The following CD46 variants were observed in gnomAD, a reference collection of about 807,000 sequenced individuals.
CD46 encodes membrane cofactor protein.
CD46 carries 30 observed loss-of-function variants against 53.3 expected under a neutral mutation model. The observed-to-expected ratio is 0.56, with a 90% CI of 0.42 to 0.76. CD46 has a LOEUF of 0.76. Among genes scored for constraint, CD46 ranks in the 30% least tolerant of loss-of-function variants. The pLI is 0.00. For missense variants in CD46, 409 were observed against 463.0 expected, an observed-to-expected ratio of 0.88 and a Z score of 1.07; for synonymous variants, 142 against 152.0, an observed-to-expected ratio of 0.93 and a Z score of 0.48.
At chr1:207,775,366 AC>A (rs1234811830) in intron 8 of CD46, among the ~76,000 whole-genome samples, 1 of 152,034 alleles carries the variant, frequency 6.6e-6, no homozygotes, top group Non-Finnish European at 1.5e-5. Flanking sequence ...ACCTTCTGAA[AC>A]CTACTTCTGT....
intron 8 of CD46, among the ~76,000 whole-genome samples, chr1:207,773,563 T>C (rs1182776450): frequency 6.6e-6 from 1 of 152,234 alleles, no homozygotes; most frequent in African/African-American, 2.4e-5. Flanking sequence ...CACACTGCTT[T>C]AAATGTTTCC....
chr1:207,775,942 G>A (rs181375681), intron 8 of CD46, among the ~76,000 whole-genome samples: 83 of 152,294 alleles, frequency 5.4e-4, no homozygotes, highest in Admixed American at 4.0e-3. Flanking sequence ...AAGCTGCTGC[G>A]TTTTGTTCTA....
chr1:207,786,042 G>C, intron 11 of CD46: 7 of 192,514 alleles, frequency 3.6e-5, no homozygotes, highest in Admixed American at 5.6e-5. Flanking sequence ...TAAATTTAAA[G>C]TATTTCACTG....
chr1:207,774,949 A>C (rs1040211138), intron 8 of CD46, among the ~76,000 whole-genome samples: 3 of 152,218 alleles, frequency 2.0e-5, no homozygotes, highest in Non-Finnish European at 4.4e-5. Context: ...AGTTTAGGGA[A>C]GTCCTCGTGG....
chr1:207,767,801 A>G lies in CD46; in HGVS notation c.879A>G (p.Lys293=), dbSNP rs755629155. The change falls in exon 7 of 13, where the codon AAA becomes AAG. Residue 293 remains lysine (K), a synonymous_variant. Coordinates refer to ENST00000367042, the MANE Select transcript of CD46 (RefSeq NM_172351.3). ...CAGTGTCGACTTCTTCCACTACAAAATCTCCAGCGTCCAGTGCCTCAGGTT... is the reference window on the plus strand; with the variant it reads ...CAGTGTCGACTTCTTCCACTACAAAGTCTCCAGCGTCCAGTGCCTCAGGTT... ...CLKVSTSSTT[K]SPASSASGPR... 3.1e-6 allele frequency: 5 copies of G among 1,612,670 alleles called. No homozygotes were observed. In the South Asian group the frequency reaches 5.5e-5, roughly 18 times the overall value.
chr1:207,764,461 C>T (rs1656616373), intron 5 of CD46, among the ~76,000 whole-genome samples: 1 of 152,228 alleles, frequency 6.6e-6, no homozygotes, highest in Non-Finnish European at 1.5e-5. Flanking sequence ...TTTCCTTCCT[C>T]ACGTCCACCC....
chr1:207,785,724 A>G (rs372450512), intron 11 of CD46, 42 bp downstream of exon 11: 3 of 1,255,104 alleles, frequency 2.4e-6, no homozygotes, highest in Non-Finnish European at 3.5e-6. Flanking sequence ...GGTCCTTCTT[A>G]TACTTAACAT....
intron 2 of CD46, 56 bp downstream of exon 2, chr1:207,757,258 T>C (rs1386029940): frequency 8.4e-6 from 12 of 1,424,188 alleles, no homozygotes; most frequent in East Asian, 2.3e-5. Context: ...TGCATACATT[T>C]TGGGGTACAT....
rs1300221001 is a variant in CD46, at chr1:207,767,032, A to T, written c.693A>T (p.Pro231=). Residue 231 remains proline, a synonymous_variant, in exon 6 of 13, where the codon CCA becomes CCT. Transcript: ENST00000367042. ...PECKVVKCRF[P]VVENGKQISG... is the part of the protein sequence containing the mutation. Reference sequence around the variant, plus strand: ...TTCCAGTGGTCAAATGTCGATTTCCAGTAGTCGAAAATGGAAAACAGATAT... The same window carrying T: ...TTCCAGTGGTCAAATGTCGATTTCCTGTAGTCGAAAATGGAAAACAGATAT... The T allele has an allele frequency of 6.2e-7, 1 of 1,613,668 alleles. No individual in the cohort carries two copies.
intron 5 of CD46, among the ~76,000 whole-genome samples, chr1:207,765,688 G>C (rs1656763256): frequency 6.6e-6 from 1 of 152,194 alleles, no homozygotes; most frequent in Admixed American, 6.5e-5. Context: ...GTATTGACAA[G>C]GATATGGAGC....
chr1:207,760,499 G>A (rs1429587803), intron 4 of CD46: 3 of 152,192 alleles, frequency 2.0e-5, no homozygotes, highest in Non-Finnish European at 2.9e-5. Context: ...TTCTTAACTA[G>A]CACCGAGTTA....
intron 12 of CD46, 58 bp downstream of exon 12, chr1:207,790,403 G>GATAT (rs761279025): frequency 3.9e-5 from 32 of 819,368 alleles, no homozygotes; most frequent in Non-Finnish European, 6.5e-5. Flanking sequence ...ATATTCAGTG[G>GATAT]ATATATAGAT....
chr1:207,790,562 T>TA (rs1266956252), intron 12 of CD46, among the ~76,000 whole-genome samples: 2 of 152,216 alleles, frequency 1.3e-5, no homozygotes, highest in Admixed American at 6.5e-5. Flanking sequence ...AGGCTTTAAA[T>TA]AGAGTTATGT....
chr1:207,757,280 G>C, intron 2 of CD46, 78 bp downstream of exon 2: 1 of 1,247,124 alleles, frequency 8.0e-7, no homozygotes, highest in South Asian at 1.2e-5. Flanking sequence ...TTCCACTACG[G>C]TGATGATGAT....
At chr1:207,769,703 T>C (rs1657250258) in intron 7 of CD46, 1 of 152,136 alleles carries the variant, frequency 6.6e-6, no homozygotes, top group Non-Finnish European at 1.5e-5. Flanking sequence ...AAGATGTAAA[T>C]TATGTAGTAT....
chr1:207,768,108 T>C, intron 7 of CD46: 1 of 359,378 alleles, frequency 2.8e-6, no homozygotes. Flanking sequence ...ACCTTCCTTA[T>C]TGGGTATTAG....
chr1:207,752,368 G>C lies in CD46; in HGVS notation c.97+59G>C. 6.6e-7 allele frequency: 1 copy of C among 1,513,566 alleles called. No individual in the cohort carries two copies. The highest frequency in any genetic ancestry group is 9.2e-7 in the Non-Finnish European group (1 of 1,090,478). The allele number at this position is 1,513,566 out of a possible 1,614,324, so 93.8% of individuals were successfully genotyped here. A position where few individuals can be genotyped will look rare whatever the true frequency, so the allele number is the denominator to read the frequency against. ...CGAGACTAGAGCTCTCCTCAGTCGG[G>C]CAAGAGTCGCGGGGCGGGGCTCACA... On this transcript the variant is annotated intron_variant, in intron 1 of 12. Transcript: ENST00000367042. The surrounding 1 kb of genome is among the most constrained non-coding windows in gnomAD (Gnocchi z 4.1).
At chr1:207,790,231 C>T (rs748859860) in intron 11 of CD46, 22 bp from the exon 12 acceptor site, 16 of 1,261,606 alleles carry the variant, frequency 1.3e-5, no homozygotes, top group Admixed American at 1.2e-4. Context: ...TTTATTCAGC[C>T]GTTTTCTCTT....
chr1:207,779,911 G>GTTTTTTTTTTT (rs1163376440), intron 8 of CD46, among the ~76,000 whole-genome samples: 2 of 25,816 alleles, frequency 7.7e-5, no homozygotes, highest in African/African-American at 1.3e-4. Flanking sequence ...GCAAAAGCAA[G>GTTTTTTTTTTT]TCTTTTTTTT....
Sources: gnomAD v4.1 joint callset for allele counts (sites outside exome capture counted in the v4.1 genomes callset) on GRCh38, gnomAD v4.1.1 for gene constraint, Gnocchi (gnomAD v3.1) non-coding constraint, MANE v1.5 for transcripts, NCBI Gene and HGNC (gene_info 2026-07-23, HGNC 2026-07-21) for gene names.